The following RBFOX1 variants were observed in gnomAD, a reference collection of about 807,000 sequenced individuals.
RBFOX1 encodes RNA binding fox-1 homolog 1.
A neutral mutation model predicts 57.7 loss-of-function variants in RBFOX1; 8 were observed. The ratio of observed to expected loss-of-function variants is 0.14; its 90% confidence interval spans 0.08 to 0.25. The LOEUF (loss-of-function observed/expected upper bound fraction) is 0.25. Ranked by LOEUF, RBFOX1 falls within the 10% of genes least tolerant of loss-of-function variation. RBFOX1 has a pLI of 1.00. For missense variants in RBFOX1, 611 were observed against 548.5 expected (o/e 1.11, Z -1.14); for synonymous variants, 326 against 222.4 (o/e 1.47, Z -4.15).
intron 4 of RBFOX1, among the ~76,000 whole-genome samples, chr16:7,114,161 C>T (rs772427206): frequency 6.6e-6 from 1 of 152,104 alleles, no homozygotes; most frequent in Non-Finnish European, 1.5e-5. Context: ...CTTAAGAGAT[C>T]AGAGTTGGTG....
chr16:7,054,551 G>GGGGGGGGC (rs1188377939), intron 4 of RBFOX1, among the ~76,000 whole-genome samples: 4 of 144,108 alleles, frequency 2.8e-5, no homozygotes, highest in Non-Finnish European at 6.1e-5. Flanking sequence ...TGGGTGGGGG[G>GGGGGGGGC]GCATTTTTTA....
At chr16:5,533,450 G>A (rs2044567125) in intron 2 of RBFOX1, among the ~76,000 whole-genome samples, 1 of 152,132 alleles carries the variant, frequency 6.6e-6, no homozygotes, top group Non-Finnish European at 1.5e-5. Context: ...ACACTGAGAG[G>A]GGTTTCTTGC....
intron 3 of RBFOX1, among the ~76,000 whole-genome samples, chr16:6,737,131 T>C (rs1335394018): frequency 1.3e-5 from 2 of 152,124 alleles, no homozygotes; most frequent in African/African-American, 4.8e-5. Flanking sequence ...GGGTTTACAA[T>C]AGAGGAAACA....
At chr16:5,399,927 C>T (rs999392004) in intron 1 of RBFOX1, among the ~76,000 whole-genome samples, 1 of 151,866 alleles carries the variant, frequency 6.6e-6, no homozygotes, top group East Asian at 1.9e-4. Flanking sequence ...GGTAAGAATT[C>T]GTGAACCCAA....
chr16:5,605,314 C>A (rs777809356), intron 3 of RBFOX1, among the ~76,000 whole-genome samples: 12 of 152,206 alleles, frequency 7.9e-5, no homozygotes, highest in South Asian at 2.1e-4. Context: ...CGTCCCTGAT[C>A]CCAGGTTATG....
At chr16:6,272,843 C>A (rs1011863062) in intron 1 of RBFOX1, among the ~76,000 whole-genome samples, 1 of 152,060 alleles carries the variant, frequency 6.6e-6, no homozygotes, top group South Asian at 2.1e-4. Context: ...GGAAAGATAA[C>A]CTTTCAACAT....
intron 3 of RBFOX1, among the ~76,000 whole-genome samples, chr16:5,737,517 A>T (rs866641411): frequency 1.2e-4 from 17 of 140,256 alleles, no homozygotes; most frequent in African/African-American, 4.6e-4. Flanking sequence ...AAACAAAAAT[A>T]TTCTGGATTT....
At chr16:5,809,232 C>G (rs1289270163) in intron 3 of RBFOX1, among the ~76,000 whole-genome samples, 1 of 152,096 alleles carries the variant, frequency 6.6e-6, no homozygotes, top group African/African-American at 2.4e-5. Context: ...AGAAGAAAAC[C>G]TAGGCATTAC....
chr16:7,199,392 A>G (rs1602743383), intron 4 of RBFOX1, among the ~76,000 whole-genome samples: 1 of 152,144 alleles, frequency 6.6e-6, no homozygotes, highest in Admixed American at 6.6e-5. Context: ...TAGGTGAGAA[A>G]TGTTTTCCAA....
intron 1 of RBFOX1, among the ~76,000 whole-genome samples, chr16:5,245,830 A>G (rs1333396005): frequency 6.6e-6 from 1 of 152,264 alleles, no homozygotes. Flanking sequence ...AATCCAATCA[A>G]ATGTCAATTA....
At chr16:6,132,437 G>T (rs539277244) in intron 1 of RBFOX1, among the ~76,000 whole-genome samples, 4 of 152,302 alleles carry the variant, frequency 2.6e-5, no homozygotes, top group Non-Finnish European at 4.4e-5. Context: ...TTGAATTCCT[G>T]AGCTAGTTTT....
chr16:6,665,441 C>G (rs1263656327), intron 3 of RBFOX1, among the ~76,000 whole-genome samples: 1 of 152,008 alleles, frequency 6.6e-6, no homozygotes, highest in Non-Finnish European at 1.5e-5. Flanking sequence ...TGGTGAAACC[C>G]CATCGCTGCT....
chr16:6,076,568 A>T (rs2152497029), intron 1 of RBFOX1, among the ~76,000 whole-genome samples: 1 of 152,140 alleles, frequency 6.6e-6, no homozygotes, highest in East Asian at 1.9e-4. Flanking sequence ...CCTGGCCTCA[A>T]GTGATCCTCC....
At chr16:6,320,566 C>T (rs1330367237) in intron 2 of RBFOX1, among the ~76,000 whole-genome samples, 2 of 151,752 alleles carry the variant, frequency 1.3e-5, no homozygotes, top group Non-Finnish European at 2.9e-5. Context: ...GTACATATAC[C>T]TTGTGAAATG....
intron 2 of RBFOX1, among the ~76,000 whole-genome samples, chr16:5,487,236 T>A (rs1356092396): frequency 6.6e-6 from 1 of 152,246 alleles, no homozygotes; most frequent in Non-Finnish European, 1.5e-5. Context: ...AGTGCCCTAC[T>A]GGACTGAAGC....
chr16:6,717,371 C>G (rs943293804), intron 3 of RBFOX1, among the ~76,000 whole-genome samples: 1 of 152,102 alleles, frequency 6.6e-6, no homozygotes, highest in Non-Finnish European at 1.5e-5. Context: ...AGATGTATTA[C>G]TCAACTGTGC....
intron 2 of RBFOX1, among the ~76,000 whole-genome samples, chr16:6,427,606 G>T (rs1251613043): frequency 6.6e-6 from 1 of 152,190 alleles, no homozygotes; most frequent in East Asian, 1.9e-4. Flanking sequence ...TAAAAATGTT[G>T]AGGAGGACGT....
At chr16:7,064,331 G>C (rs557303050) in intron 4 of RBFOX1, among the ~76,000 whole-genome samples, 1 of 152,090 alleles carries the variant, frequency 6.6e-6, no homozygotes, top group East Asian at 1.9e-4. Flanking sequence ...ACCATACCCA[G>C]CTAATTTTTG....
intron 3 of RBFOX1, among the ~76,000 whole-genome samples, chr16:6,938,585 T>TC (rs1375896870): frequency 6.7e-6 from 1 of 149,060 alleles, no homozygotes; most frequent in African/African-American, 2.4e-5. Context: ...TCATTTTTTT[T>TC]TCCTCTGGCT....
Sources: gnomAD v4.1 joint callset for allele counts (sites outside exome capture counted in the v4.1 genomes callset) on GRCh38, gnomAD v4.1.1 for gene constraint, MANE v1.5 for transcripts, NCBI Gene and HGNC (gene_info 2026-07-23, HGNC 2026-07-21) for gene names.